ABTB2: variants seen among roughly 807,000 people sequenced by gnomAD.
The protein encoded by ABTB2 is ankyrin repeat and BTB/POZ domain-containing protein 2.
A neutral mutation model predicts 104.1 loss-of-function variants in ABTB2; 56 were observed. The ratio of observed to expected loss-of-function variants is 0.54; its 90% CI spans 0.43 to 0.67. The LOEUF (loss-of-function observed/expected upper bound fraction) is 0.67, where lower values mean the gene tolerates loss of function less well. Ranked by LOEUF, ABTB2 falls within the 30% of genes least tolerant of loss-of-function variation. The probability of loss-of-function intolerance (pLI) is 0.00; values close to 1 mark genes in which losing one functional copy is unlikely to be tolerated. For missense variants in ABTB2, 1,279 were observed against 1,407.7 expected (o/e 0.91, Z 1.46); for synonymous variants, 606 against 608.2 (o/e 1.00, Z 0.05).
intron 1 of ABTB2, among the ~76,000 whole-genome samples, chr11:34,332,818 A>T (rs1855147851): frequency 7.4e-6 from 1 of 135,836 alleles, no homozygotes; most frequent in African/African-American, 2.7e-5. Flanking sequence ...GGTTTCAGTT[A>T]AAAAAAAAAA....
intron 1 of ABTB2, among the ~76,000 whole-genome samples, chr11:34,224,007 G>A (rs78404043): frequency 0.024 from 3,691 of 152,194 alleles, 160 homozygotes; most frequent in African/African-American, 0.086. Flanking sequence ...TGGTTCAGAA[G>A]AGACTAAGAG....
At chr11:34,187,558 T>C (rs1318238398) in intron 3 of ABTB2, among the ~76,000 whole-genome samples, 1 of 150,668 alleles carries the variant, frequency 6.6e-6, no homozygotes, top group Non-Finnish European at 1.5e-5. Flanking sequence ...GTGCAGTTGG[T>C]GAGATCATAG....
chr11:34,255,148 C>A (rs1854105516), intron 1 of ABTB2, among the ~76,000 whole-genome samples: 1 of 152,146 alleles, frequency 6.6e-6, no homozygotes, highest in Non-Finnish European at 1.5e-5. Flanking sequence ...AACTGAAATT[C>A]AGAGATCTGG....
intron 12 of ABTB2, 91 bp downstream of exon 12, chr11:34,160,157 A>G (rs1475389557): frequency 7.4e-7 from 1 of 1,360,224 alleles, no homozygotes; most frequent in African/African-American, 1.4e-5. Context: ...GGCGCTTGGA[A>G]ATGGAGAAAG....
In ABTB2 at chr11:34,293,287, C is replaced by T. The variant is rs1854584278; in HGVS notation, c.883+63414G>A. Among the ~76,000 whole-genome samples the T allele has an allele frequency of 2.0e-5, 3 of 152,098 alleles. No homozygotes were observed. The South Asian group carries it at 6.2e-4, about 32-fold the overall frequency. On this transcript the variant is annotated intron_variant, in intron 1 of 16. Coordinates refer to ENST00000435224, the MANE Select transcript of ABTB2 (RefSeq NM_145804.3). ...GGACTGCAGTTCTGGGCAGGGGACA[C>T]CTGATGGGACACGAGGAGGCTGGAG...
At chr11:34,202,507 A>G (rs997747236) in intron 2 of ABTB2, among the ~76,000 whole-genome samples, 4 of 152,186 alleles carry the variant, frequency 2.6e-5, no homozygotes, top group Admixed American at 1.3e-4. Flanking sequence ...GGGGATAGAT[A>G]TCGAGCAGAT....
intron 1 of ABTB2, among the ~76,000 whole-genome samples, chr11:34,263,226 C>T (rs925354511): frequency 2.6e-5 from 4 of 151,942 alleles, no homozygotes; most frequent in Admixed American, 2.0e-4. Flanking sequence ...TTTGGTCTTA[C>T]GTGTGAGAGT....
At chr11:34,177,941 C>T (rs996118712) in intron 3 of ABTB2, among the ~76,000 whole-genome samples, 4 of 152,120 alleles carry the variant, frequency 2.6e-5, no homozygotes, top group African/African-American at 4.8e-5. Flanking sequence ...CAGTTCCAGG[C>T]GCTGTCTCAG....
intron 8 of ABTB2, among the ~76,000 whole-genome samples, 176 bp from the exon 9 acceptor site, chr11:34,164,997 G>A (rs758755629): frequency 1.8e-4 from 28 of 152,174 alleles, no homozygotes; most frequent in Admixed American, 3.9e-4. Flanking sequence ...AAGGCTGGCC[G>A]TGCCCTGCCC....
intron 1 of ABTB2, among the ~76,000 whole-genome samples, chr11:34,281,503 C>T (rs188835250): frequency 6.6e-6 from 1 of 152,320 alleles, no homozygotes; most frequent in Admixed American, 6.5e-5. Context: ...CTAGACAATC[C>T]TGTAACCTTC....
At chr11:34,330,448 T>A (rs1009703354) in intron 1 of ABTB2, among the ~76,000 whole-genome samples, 3 of 152,218 alleles carry the variant, frequency 2.0e-5, no homozygotes, top group African/African-American at 7.2e-5. Flanking sequence ...TTTAGTAAGG[T>A]GTCTGATATA....
intron 1 of ABTB2, among the ~76,000 whole-genome samples, chr11:34,344,509 C>T (rs558056475): frequency 3.3e-5 from 5 of 152,236 alleles, no homozygotes; most frequent in South Asian, 2.1e-4. Flanking sequence ...ATTTGTTTTT[C>T]GGAGACAGGG....
chr11:34,322,871 GT>G (rs1855022688), intron 1 of ABTB2, among the ~76,000 whole-genome samples: 2 of 152,012 alleles, frequency 1.3e-5, no homozygotes, highest in Non-Finnish European at 2.9e-5. Flanking sequence ...TAGAGATGGG[GT>G]TTTACCATGT....
chr11:34,155,473 T>C (rs532355140), intron 14 of ABTB2, among the ~76,000 whole-genome samples: 6 of 152,246 alleles, frequency 3.9e-5, no homozygotes, highest in Non-Finnish European at 7.3e-5. Flanking sequence ...TTACAAACTC[T>C]GCCATCACGC....
intron 1 of ABTB2, among the ~76,000 whole-genome samples, chr11:34,246,134 A>G (rs921733382): frequency 3.9e-5 from 6 of 152,190 alleles, no homozygotes; most frequent in South Asian, 2.1e-4. Context: ...CTCTCTTCCT[A>G]AAAGACAATT....
intron 1 of ABTB2, among the ~76,000 whole-genome samples, chr11:34,281,722 C>T (rs543946076): frequency 1.3e-5 from 2 of 152,318 alleles, no homozygotes; most frequent in South Asian, 4.2e-4. Flanking sequence ...TATTCACAGA[C>T]ACGAAGCTAC....
intron 11 of ABTB2, among the ~76,000 whole-genome samples, chr11:34,160,617 G>A (rs1565127587): frequency 6.8e-6 from 1 of 147,946 alleles, no homozygotes; most frequent in Non-Finnish European, 1.5e-5. Flanking sequence ...GTGTGTGTGT[G>A]TGTTGGGTGG....
chr11:34,272,759 G>A (rs1056223637), intron 1 of ABTB2, among the ~76,000 whole-genome samples: 25 of 143,664 alleles, frequency 1.7e-4, no homozygotes, highest in Admixed American at 1.0e-3. Flanking sequence ...CTGGAATAAT[G>A]TTGTGTATGT....
intron 1 of ABTB2, among the ~76,000 whole-genome samples, chr11:34,226,149 C>G (rs1853683314): frequency 7.0e-6 from 1 of 143,314 alleles, no homozygotes; most frequent in Non-Finnish European, 1.5e-5. Flanking sequence ...TTGCAGTGAG[C>G]TGAGATTGCA....
Sources: gnomAD v4.1 joint callset for allele counts (sites outside exome capture counted in the v4.1 genomes callset) on GRCh38, gnomAD v4.1.1 for gene constraint, MANE v1.5 for transcripts, NCBI Gene and HGNC (gene_info 2026-07-23, HGNC 2026-07-21) for gene names.